The following CIT variants were observed in gnomAD, a reference collection of about 807,000 sequenced individuals.
CIT encodes citron Rho-interacting kinase.
Under a neutral mutation model 272.7 loss-of-function variants are expected in CIT, and 79 were observed. The observed-to-expected ratio is 0.29, with a 90% CI of 0.24 to 0.35. The LOEUF (loss-of-function observed/expected upper bound fraction) is 0.35, where lower values mean the gene tolerates loss of function less well. Among genes scored for constraint, CIT ranks in the 10% least tolerant of loss-of-function variants. The probability of loss-of-function intolerance (pLI) is 1.00; values close to 1 mark genes in which losing one functional copy is unlikely to be tolerated. For synonymous variants in CIT, 948 were observed against 995.6 expected, an observed-to-expected ratio of 0.95 and a Z score of 0.90; for missense variants, 1,909 against 2,618.3, an observed-to-expected ratio of 0.73 and a Z score of 5.91.
intron 2 of CIT, 62 bp downstream of exon 2, chr12:119,876,011 G>T: frequency 1.0e-6 from 1 of 978,500 alleles, no homozygotes; most frequent in Non-Finnish European, 1.6e-6. Context: ...AAGCAAAGGT[G>T]AGTGACAAGG....
At chr12:119,871,114 G>C (rs1247336705) in intron 2 of CIT, among the ~76,000 whole-genome samples, 1 of 81,786 alleles carries the variant, frequency 1.2e-5, no homozygotes, top group Non-Finnish European at 2.4e-5. Context: ...GCGACAGTCT[G>C]TCTTAAAAAA....
Position 119,690,369 on chromosome 12 carries a change from T to G in CIT, c.5968A>C (p.Ser1990Arg). 8 of 1,598,012 alleles carry G rather than the reference T, an allele frequency of 5.0e-6. No individual in the cohort carries two copies. The highest frequency in any genetic ancestry group is 6.8e-6 in the Non-Finnish European group (8 of 1,178,226). Residue 1990 changes from serine to arginine, a missense_variant, in exon 47 of 48, where the codon AGC (serine) becomes CGC (arginine). Around this residue, in one of 8 missense-constraint regions of CIT, gnomAD observed 780 missense variants for 1,067.2 expected, o/e 0.73. Transcript: ENST00000392521. This position sits in a 1 kb window ranked among gnomAD's most constrained non-coding sequence, Gnocchi z 6.0. Reference sequence around the variant, plus strand: ...GGTGTGCTTGGCTCTCGCGGGTGGCTGGGGCCTTCGGGCGGCGCTGGGCTG... The same window carrying G: ...GGTGTGCTTGGCTCTCGCGGGTGGCGGGGGCCTTCGGGCGGCGCTGGGCTG... Reference protein sequence around the residue: ...ASSPAPPEGPSHPREPSTPHR... With the variant: ...ASSPAPPEGPRHPREPSTPHR...
Position 119,776,818 on chromosome 12 carries a change from T to C in CIT, c.1690A>G (p.Met564Val). 6.2e-7 allele frequency: 1 copy of C among 1,614,022 alleles called. No individual in the cohort carries two copies. Among genetic ancestry groups the C allele is most frequent in the Non-Finnish European group, 8.5e-7 (1 of 1,180,036 alleles). The change falls in exon 14 of 48, where the codon ATG (methionine) becomes GTG (valine). Residue 564 changes from methionine (M) to valine (V), a missense_variant. Coordinates refer to ENST00000392521, the MANE Select transcript of CIT (RefSeq NM_001206999.2). The stretch of plus-strand genomic sequence containing the variant: ...TCCAACTGATTCATCATCAACCTCA[T>C]TTCTTCCACTTGAGCCTGGTACTCC... ...EQEYQAQVEE[M>V]RLMMNQLEED...
In CIT at chr12:119,713,059, A is replaced by C; in HGVS notation, c.4579+144T>G. 2.9e-6 allele frequency: 2 copies of C among 700,550 alleles called. No individual in the cohort carries two copies. The highest frequency in any genetic ancestry group is 5.0e-6 in the Non-Finnish European group (2 of 396,738). 43.4% of individuals were successfully genotyped at this position (700,550 alleles called of 1,614,324 possible). A position where few individuals can be genotyped will look rare whatever the true frequency, so the allele number is the denominator to read the frequency against. On this transcript the variant is annotated intron_variant, in intron 35 of 47. Coordinates refer to ENST00000392521, the MANE Select transcript of CIT (RefSeq NM_001206999.2). This position sits in a 1 kb window ranked among gnomAD's most constrained non-coding sequence, Gnocchi z 5.2. ...TGAGTATCGCACCAATAACCTTTAG[A>C]GAAGTCATTTGGTTTGTAAGTTTCA...
intron 3 of CIT, among the ~76,000 whole-genome samples, chr12:119,863,552 G>T (rs1950428057): frequency 6.6e-6 from 1 of 151,956 alleles, no homozygotes; most frequent in South Asian, 2.1e-4. Flanking sequence ...TTTTGAGACG[G>T]AGTCTTACTC....
intron 12 of CIT, 48 bp from the exon 13 acceptor site, chr12:119,782,685 T>A (rs1964410079): frequency 6.2e-7 from 1 of 1,607,384 alleles, no homozygotes; most frequent in Non-Finnish European, 8.5e-7. Context: ...GATCCTGCTT[T>A]GTTTGAAAAG....
Position 119,686,830 on chromosome 12 carries a change from C to T in CIT, c.*1402G>A. 1 of 152,800 alleles carries T rather than the reference C, an allele frequency of 6.5e-6. No homozygotes were observed. Among genetic ancestry groups the T allele is most frequent in the Non-Finnish European group, 1.5e-5 (1 of 68,074 alleles). The allele number at this position is 152,800 out of a possible 1,614,324, so 9.5% of individuals were successfully genotyped here. A position where few individuals can be genotyped will look rare whatever the true frequency, so the allele number is the denominator to read the frequency against. On this transcript the variant is annotated 3_prime_UTR_variant, in exon 48 of 48. Coordinates refer to ENST00000392521, the MANE Select transcript of CIT (RefSeq NM_001206999.2). ...GGAGGGTCCGCAGACCCAGTGGGAGCCGCACTGCACCTAAGGACTTCCCAA... is the reference window on the plus strand; with the variant it reads ...GGAGGGTCCGCAGACCCAGTGGGAGTCGCACTGCACCTAAGGACTTCCCAA...
chr12:119,755,286 A>C (rs1270251773), intron 22 of CIT, among the ~76,000 whole-genome samples: 1 of 152,226 alleles, frequency 6.6e-6, no homozygotes, highest in African/African-American at 2.4e-5. Flanking sequence ...ACTCCAGGTG[A>C]ACCTAATGGA....
chr12:119,811,049 G>A (rs1339779289), intron 9 of CIT, among the ~76,000 whole-genome samples: 1 of 152,148 alleles, frequency 6.6e-6, no homozygotes, highest in Non-Finnish European at 1.5e-5. Context: ...TCAAGACCGG[G>A]CCTGGTGGCT....
chr12:119,821,160 T>C (rs1207461311), intron 9 of CIT, among the ~76,000 whole-genome samples: 1 of 151,884 alleles, frequency 6.6e-6, no homozygotes, highest in Non-Finnish European at 1.5e-5. Context: ...CTGGGTGTGG[T>C]GGTGCATGCC....
intron 16 of CIT, among the ~76,000 whole-genome samples, chr12:119,774,750 T>C (rs976277873): frequency 2.1e-5 from 3 of 144,808 alleles, no homozygotes; most frequent in Non-Finnish European, 3.0e-5. Flanking sequence ...TGGCAGGTGG[T>C]TCACTTGAGT....
At chr12:119,778,863 T>C (rs919898912) in intron 13 of CIT, among the ~76,000 whole-genome samples, 4 of 152,208 alleles carry the variant, frequency 2.6e-5, no homozygotes, top group African/African-American at 4.8e-5. Flanking sequence ...GGGTCATGCA[T>C]ACTAAGCAGG....
intron 3 of CIT, among the ~76,000 whole-genome samples, chr12:119,859,386 C>T (rs1285346727): frequency 6.6e-6 from 1 of 152,194 alleles, no homozygotes; most frequent in African/African-American, 2.4e-5. Context: ...CAGAGTCATA[C>T]TCAGCCCTGC....
chr12:119,829,244 A>T (rs1968411509), intron 7 of CIT, among the ~76,000 whole-genome samples: 1 of 152,128 alleles, frequency 6.6e-6, no homozygotes, highest in African/African-American at 2.4e-5. Context: ...GAGCTGAGGC[A>T]GGAGAATCTC....
At chr12:119,695,742 C>T (rs563399678) in intron 46 of CIT, among the ~76,000 whole-genome samples, 49 of 152,218 alleles carry the variant, frequency 3.2e-4, no homozygotes, top group Non-Finnish European at 6.5e-4. Flanking sequence ...CTGCAGTGAG[C>T]TGGTACCACT....
At position 119,728,404 on chromosome 12, in the gene CIT, CAA is replaced by C; in HGVS notation, c.3591+96_3591+97del. 1 of 725,600 alleles carries C rather than the reference CAA, an allele frequency of 1.4e-6. No homozygotes were observed. Among genetic ancestry groups the C allele is most frequent in the Non-Finnish European group, 2.4e-6 (1 of 419,324 alleles). The allele number at this position is 725,600 out of a possible 1,614,324, so 44.9% of individuals were successfully genotyped here. On this transcript the variant is annotated intron_variant, in intron 28 of 47. Transcript: ENST00000392521. This position sits in a 1 kb window ranked among gnomAD's most constrained non-coding sequence, Gnocchi z 4.3. Reference sequence around the variant, plus strand: ...GTGGGAACTCTCTGTGCTTTCTGCTCAATTTTGCTGTGAACCTAAAGCTGCTC... The same window carrying C: ...GTGGGAACTCTCTGTGCTTTCTGCTCTTTTGCTGTGAACCTAAAGCTGCTC...
rs376651355 is a variant in CIT, at chr12:119,712,373, T to C, written c.4685-26A>G. On this transcript the variant is annotated intron_variant, in intron 36 of 47. Coordinates refer to ENST00000392521, the MANE Select transcript of CIT (RefSeq NM_001206999.2). This position sits in a 1 kb window ranked among gnomAD's most constrained non-coding sequence, Gnocchi z 5.2. Reference sequence around the variant, plus strand: ...CTAGGAGATTTCAGAGAGCACAGGATTGGGTGTGGATTTCCCCCGTTCCCA... The same window carrying C: ...CTAGGAGATTTCAGAGAGCACAGGACTGGGTGTGGATTTCCCCCGTTCCCA... 4.8e-5 allele frequency: 76 copies of C among 1,591,984 alleles called. No individual in the cohort carries two copies. Among genetic ancestry groups the C allele is most frequent in the Non-Finnish European group, 6.5e-5 (76 of 1,166,938 alleles).
intron 32 of CIT, among the ~76,000 whole-genome samples, chr12:119,716,435 G>T (rs1957490918): frequency 7.7e-6 from 1 of 130,554 alleles, no homozygotes; most frequent in Admixed American, 8.3e-5. Flanking sequence ...TTGATTCAAG[G>T]AGTTATATAA....
chr12:119,823,069 T>A, intron 8 of CIT, 96 bp from the exon 9 acceptor site: 1 of 1,157,496 alleles, frequency 8.6e-7, no homozygotes, highest in Non-Finnish European at 1.2e-6. Flanking sequence ...TGCAAGTTTC[T>A]TTTTTTTTGT....
Sources: allele counts gnomAD v4.1 joint callset (sites outside exome capture counted in the v4.1 genomes callset), GRCh38; gene constraint gnomAD v4.1.1; regional missense constraint gnomAD v4.1.1; non-coding constraint Gnocchi (gnomAD v3.1); transcripts MANE v1.5; gene names NCBI Gene and HGNC (gene_info 2026-07-23, HGNC 2026-07-21).